Variants in GANAB observed in about 807,000 individuals in gnomAD.
GANAB encodes the protein glucosidase II alpha subunit.
In GANAB, 35 loss-of-function variants were observed where a neutral mutation model predicts 129.9. The ratio of observed to expected loss-of-function variants is 0.27; its 90% CI spans 0.21 to 0.36. The LOEUF is 0.36. Among genes scored for constraint, GANAB ranks in the 10% least tolerant of loss-of-function variants. The probability of loss-of-function intolerance (pLI) is 1.00; values close to 1 mark genes in which losing one functional copy is unlikely to be tolerated. For synonymous variants in GANAB, 482 were observed against 451.8 expected, an observed-to-expected ratio of 1.07 and a Z score of -0.85; for missense variants, 939 against 1,221.0, an observed-to-expected ratio of 0.77 and a Z score of 3.44.
At chr11:62,641,266 C>T (rs202116831) in intron 1 of GANAB, among the ~76,000 whole-genome samples, 1 of 150,710 alleles carries the variant, frequency 6.6e-6, no homozygotes. Context: ...ATCGCTTGAA[C>T]CCGGGAGGCA....
At position 62,630,525 on chromosome 11, in the gene GANAB, G is replaced by T. The variant is rs1163796093; in HGVS notation, c.1387-20C>A. The stretch of plus-strand genomic sequence containing the variant: ...CACCAGCTGGGGGCAAGGAACAGGG[G>T]TGTTCAGGTCTCTTTAAGGCTAAAC... On this transcript the variant is annotated intron_variant, in intron 11 of 23. Transcript: ENST00000356638. 1 of 1,614,178 alleles carries T rather than the reference G, an allele frequency of 6.2e-7. No homozygotes were observed. The highest frequency in any genetic ancestry group is 8.5e-7 in the Non-Finnish European group (1 of 1,180,040).
In GANAB at chr11:62,626,563, G is replaced by T; in HGVS notation, c.2511+8C>A. The T allele has an allele frequency of 6.4e-7, 1 of 1,567,376 alleles. No individual in the cohort carries two copies. Among genetic ancestry groups the T allele is most frequent in the Non-Finnish European group, 8.8e-7 (1 of 1,137,678 alleles). On this transcript the variant is annotated splice_region_variant and intron_variant, in intron 21 of 23. Transcript: ENST00000356638. ...ATGGCTGAGGAGACTCGCTGCCTAT[G>T]CACTTACCTGAGGGCTAAGTGCAAC... is the stretch of plus-strand genomic sequence containing the variant.
In GANAB at chr11:62,641,362, T is replaced by C. The variant is rs902583393; in HGVS notation, c.39-1631A>G. On this transcript the variant is annotated intron_variant, in intron 1 of 23. Transcript: ENST00000356638. ...CTCAGAAAAAAAAAAAAAAAAAAGA[T>C]GTACCCTCAGCTAGCCTGCTGGTTA... 3.4e-5 allele frequency among the ~76,000 whole-genome samples: 4 copies of C among 119,308 alleles called. No homozygotes were observed. In the Admixed American group the frequency reaches 3.5e-4, roughly 10 times the overall value. The allele number at this position is 119,308 out of a possible 152,430, so 78.3% of individuals were successfully genotyped here.
At position 62,625,844 on chromosome 11, in the gene GANAB, C is replaced by T. The variant is rs371161821; in HGVS notation, c.2806G>A (p.Ala936Thr). 7.1e-5 allele frequency: 114 copies of T among 1,612,052 alleles called. No individual in the cohort carries two copies. The highest frequency in any genetic ancestry group is 9.6e-5 in the Non-Finnish European group (113 of 1,178,300). The change falls in exon 24 of 24, where the codon GCA (alanine) becomes ACA (threonine). Residue 936 changes from alanine to threonine, a missense_variant. Physicochemically the swap from Ala to Thr is moderately conservative, Grantham distance 58. Transcript: ENST00000356638. ...CGCAGGTGAATACTCCAATCAGATG[C>T]CACATTGATGCCAGGCTTGCGCAGG... is the stretch of plus-strand genomic sequence containing the variant. ...LVLRKPGINV[A>T]SDWSIHLR
At chr11:62,634,400 G>C (rs1943840821) in intron 5 of GANAB, 2 of 1,537,886 alleles carry the variant, frequency 1.3e-6, no homozygotes, top group Middle Eastern at 1.7e-4. Flanking sequence ...GATGGGTAGG[G>C]AAGGGGAAAA....
Position 62,630,234 on chromosome 11 carries a change from G to A in GANAB, c.1556C>T (p.Ala519Val), listed in dbSNP as rs1357157091. The A allele has an allele frequency of 6.2e-7, 1 of 1,613,488 alleles. No homozygotes were observed. Among genetic ancestry groups the A allele is most frequent in the South Asian group, 1.1e-5 (1 of 90,992 alleles). Residue 519 changes from alanine to valine, a missense_variant, in exon 13 of 24, where the codon GCC (alanine) becomes GTC (valine). By Grantham distance (64) the Ala-to-Val change is moderately conservative. Transcript: ENST00000356638. ...YPDFTNPTMR[A>V]WWANMFSYDN... is the part of the protein sequence containing the mutation. ...ATAGCTGAACATGTTAGCCCACCAG[G>A]CCCTCATCGTGGGATTAGTGAAGTC...
chr11:62,630,960 GA>G (rs1192823483), intron 10 of GANAB, 69 bp downstream of exon 10: 2 of 1,531,854 alleles, frequency 1.3e-6, no homozygotes, highest in Admixed American at 3.5e-5. Context: ...TGGGGCACAG[GA>G]TCTCTGAAAA....
At chr11:62,646,465 G>A in intron 1 of GANAB, 97 bp downstream of exon 1, 7 of 1,373,296 alleles carry the variant, frequency 5.1e-6, no homozygotes, top group Non-Finnish European at 7.2e-6. Flanking sequence ...CGAGGCCGGG[G>A]GTGGCAGAGT....
At chr11:62,637,664 T>A (rs997140660) in intron 4 of GANAB, among the ~76,000 whole-genome samples, 2 of 152,144 alleles carry the variant, frequency 1.3e-5, no homozygotes, top group Non-Finnish European at 2.9e-5. Flanking sequence ...GGTATATTCA[T>A]ACAACATAAT....
rs1943324897 is a variant in GANAB at position 62,625,507 on chromosome 11, G to C, written c.*308C>G. The stretch of plus-strand genomic sequence containing the variant: ...GTTCAGGGCTCCTAAATAAGGGAAA[G>C]AGAAGGGGCGACAAGGGCCCTGTGG... On this transcript the variant is annotated 3_prime_UTR_variant, in exon 24 of 24. Transcript: ENST00000356638. 2.3e-6 allele frequency: 1 copy of C among 434,914 alleles called. No individual in the cohort carries two copies. Among genetic ancestry groups the C allele is most frequent in the Admixed American group, 3.5e-5 (1 of 28,746 alleles). 26.9% of individuals were successfully genotyped at this position (434,914 alleles called of 1,614,324 possible).
chr11:62,635,719 A>G (rs1456259391), intron 4 of GANAB, among the ~76,000 whole-genome samples: 1 of 150,846 alleles, frequency 6.6e-6, no homozygotes, highest in Non-Finnish European at 1.5e-5. Flanking sequence ...TCCACCTTCC[A>G]GGTTCAAGTG....
chr11:62,626,980 G>C, intron 19 of GANAB, 46 bp from the exon 20 acceptor site: 2 of 1,577,036 alleles, frequency 1.3e-6, no homozygotes, highest in African/African-American at 1.3e-5. Context: ...TCAGTGCACA[G>C]GGGTCCCGTC....
intron 1 of GANAB, among the ~76,000 whole-genome samples, chr11:62,642,208 C>CA (rs1371867535): frequency 2.0e-5 from 3 of 151,306 alleles, no homozygotes; most frequent in East Asian, 1.9e-4. Context: ...GACTCTGACT[C>CA]AAAAAAAATA....
chr11:62,638,112 G>A (rs574750493), intron 4 of GANAB, among the ~76,000 whole-genome samples: 54 of 152,310 alleles, frequency 3.5e-4, no homozygotes, highest in Non-Finnish European at 6.6e-4. Flanking sequence ...GTCTGGAGCC[G>A]TCAAGGGTAC....
intron 1 of GANAB, among the ~76,000 whole-genome samples, chr11:62,641,816 G>A (rs1229914058): frequency 2.0e-5 from 3 of 151,834 alleles, no homozygotes; most frequent in Non-Finnish European, 4.4e-5. Flanking sequence ...CTGACCTCAG[G>A]TGATCCACCT....
intron 13 of GANAB, 98 bp downstream of exon 13, chr11:62,630,099 T>C: frequency 7.7e-7 from 1 of 1,296,620 alleles, no homozygotes; most frequent in East Asian, 2.4e-5. Context: ...CCTGATATGT[T>C]GCAGGCAATC....
intron 4 of GANAB, 127 bp from the exon 5 acceptor site, chr11:62,635,127 A>G (rs1310041302): frequency 3.3e-6 from 2 of 607,578 alleles, no homozygotes; most frequent in Non-Finnish European, 5.8e-6. Flanking sequence ...GCAGGGATAG[A>G]CAAGTTAATA....
rs552134653 is a variant in GANAB, at chr11:62,632,446, C to T, written c.996+119G>A. On this transcript the variant is annotated intron_variant, in intron 9 of 23. Transcript: ENST00000356638. ...GATTAGGGAACTCAAATGCTGCCCA[C>T]CAGGCCCACAGCCCCTTCTTAAACC... The T allele has an allele frequency of 5.2e-4, 387 of 749,014 alleles. 5 individuals are homozygous for T. In the South Asian group the frequency reaches 6.0e-3, roughly 12 times the overall value. 46.4% of individuals were successfully genotyped at this position (749,014 alleles called of 1,614,324 possible).
At chr11:62,644,448 G>A (rs1160094685) in intron 1 of GANAB, among the ~76,000 whole-genome samples, 3 of 151,222 alleles carry the variant, frequency 2.0e-5, no homozygotes, top group Non-Finnish European at 2.9e-5. Flanking sequence ...GCAAGACCTC[G>A]TCTCTACTTA....
Sources: allele counts gnomAD v4.1 joint callset (sites outside exome capture counted in the v4.1 genomes callset), GRCh38; gene constraint gnomAD v4.1.1; transcripts MANE v1.5; gene names NCBI Gene and HGNC (gene_info 2026-07-23, HGNC 2026-07-21).